NIM1K: variants seen among roughly 807,000 people sequenced by gnomAD.
NIM1K encodes serine/threonine-protein kinase NIM1.
Under a neutral mutation model 37.1 loss-of-function variants are expected in NIM1K, and 35 were observed. That is an observed-to-expected ratio of 0.94 (90% CI 0.72 to 1.25). NIM1K has a LOEUF of 1.25. Ranked by LOEUF, NIM1K falls within the 50% of genes most tolerant of loss-of-function variation. The pLI, the probability that NIM1K is intolerant of heterozygous loss-of-function variation, is 0.00. For synonymous variants in NIM1K, 234 were observed against 206.6 expected (o/e 1.13, Z -1.14); for missense variants, 564 against 548.0 (o/e 1.03, Z -0.29).
In NIM1K at chr5:43,280,079, A is replaced by G; in HGVS notation, c.661A>G (p.Ser221Gly). ...KVGDFGFSTV[S>G]KKGEMLNTFC... ...GGGCGATTTTGGATTCAGCACAGTA[A>G]GCAAAAAAGGTGAAATGCTGAACAC... is the stretch of plus-strand genomic sequence containing the variant. Residue 221 changes from serine to glycine, a missense_variant, in exon 4 of 4, where the codon AGC becomes GGC. Coordinates refer to ENST00000326035, the MANE Select transcript of NIM1K (RefSeq NM_153361.4). 1 of 1,614,202 alleles carries G rather than the reference A, an allele frequency of 6.2e-7. No individual in the cohort carries two copies. Among genetic ancestry groups the G allele is most frequent in the South Asian group, 1.1e-5 (1 of 91,084 alleles).
At chr5:43,260,518 T>G (rs1753010972) in intron 2 of NIM1K, among the ~76,000 whole-genome samples, 1 of 152,188 alleles carries the variant, frequency 6.6e-6, no homozygotes, top group Admixed American at 6.5e-5. Flanking sequence ...CTGCATCTAT[T>G]AAGATGATCA....
intron 1 of NIM1K, among the ~76,000 whole-genome samples, chr5:43,234,767 G>A (rs960331742): frequency 6.6e-5 from 10 of 152,012 alleles, no homozygotes; most frequent in Admixed American, 6.6e-5. Flanking sequence ...CCTGAGTAGC[G>A]GGGATTACAG....
intron 1 of NIM1K, among the ~76,000 whole-genome samples, chr5:43,205,764 G>A (rs368837398): frequency 4.9e-4 from 75 of 152,150 alleles, no homozygotes; most frequent in African/African-American, 1.8e-3. Context: ...CCAGGCTGGA[G>A]TGTAGTCTTG....
rs759360541 is a variant in NIM1K at position 43,280,545 on chromosome 5, G to A, written c.1127G>A (p.Gly376Glu). The A allele has an allele frequency of 5.6e-6, 9 of 1,614,114 alleles. No individual in the cohort carries two copies. The South Asian group carries it at 7.7e-5, about 14-fold the overall frequency. Residue 376 changes from glycine (G) to glutamate (E), a missense_variant, in exon 4 of 4, where the codon GGG (glycine) becomes GAG (glutamate). Gly to Glu is a moderately conservative substitution (Grantham distance 98). Transcript: ENST00000326035. ...GAAGAGCATATTCGAAATAACCAAG[G>A]GAGAGATGCTCGCAGCTCAATCACA... The part of the protein sequence containing the change: ...ITEEHIRNNQ[G>E]RDARSSITGV...
At chr5:43,225,012 G>T (rs1419382593) in intron 1 of NIM1K, among the ~76,000 whole-genome samples, 14 of 152,076 alleles carry the variant, frequency 9.2e-5, no homozygotes, top group Admixed American at 9.2e-4. Flanking sequence ...ATTTTTAAAA[G>T]GGGGACAGAT....
intron 2 of NIM1K, among the ~76,000 whole-genome samples, chr5:43,264,120 G>C (rs1417892767): frequency 1.3e-5 from 2 of 152,210 alleles, no homozygotes; most frequent in Non-Finnish European, 2.9e-5. Context: ...CGAGAGTTCT[G>C]TAGACGTCTG....
chr5:43,213,284 CCTTTCCTTTTCTTTTCTTTT>C (rs201808240), intron 1 of NIM1K, among the ~76,000 whole-genome samples: 23,292 of 108,530 alleles, frequency 0.21, 3,406 homozygotes, highest in East Asian at 0.56. Flanking sequence ...TTTCTTGTTT[CCTTTCCTTTTCTTTTCTTTT>C]CTTTTCTTTT....
rs1481422326 is a variant in NIM1K at position 43,280,262 on chromosome 5, A to G, written c.844A>G (p.Ser282Gly). Residue 282 changes from serine to glycine, a missense_variant, in exon 4 of 4, where the codon AGC becomes GGC. By Grantham distance (56) the Ser-to-Gly change is moderately conservative. Coordinates refer to ENST00000326035, the MANE Select transcript of NIM1K (RefSeq NM_153361.4). ...AGAAACCGTGGCCAAACTAAAAAAG[A>G]GCATCCTCGAGGGCACATACAGTGT... ...RAETVAKLKK[S>G]ILEGTYSVPP... 5 of 1,614,164 alleles carry G rather than the reference A, an allele frequency of 3.1e-6. No individual in the cohort carries two copies. Among genetic ancestry groups the G allele is most frequent in the Non-Finnish European group, 3.4e-6 (4 of 1,180,020 alleles).
At chr5:43,239,780 G>A (rs1752671663) in intron 1 of NIM1K, among the ~76,000 whole-genome samples, 1 of 152,048 alleles carries the variant, frequency 6.6e-6, no homozygotes, top group African/African-American at 2.4e-5. Flanking sequence ...AGCATGCCTG[G>A]CCTCCACTCT....
rs1470493235 is a variant in NIM1K at position 43,213,197 on chromosome 5, C to CT, written c.-695+20789dup. Among the ~76,000 whole-genome samples the CT allele has an allele frequency of 2.2e-4, 12 of 53,934 alleles. 1 individual carries two copies. The highest frequency in any genetic ancestry group is 6.4e-4 in the African/African-American group (11 of 17,112). The allele number at this position is 53,934 out of a possible 152,430, so 35.4% of individuals were successfully genotyped here. A position where few individuals can be genotyped will look rare whatever the true frequency, so the allele number is the denominator to read the frequency against. ...TCTTTCTTTCTTTCTTTCTTTCTTTCTTTCTTTCTTTCTTTCTTTCTTTCT... is the reference window on the plus strand; with the variant it reads ...TCTTTCTTTCTTTCTTTCTTTCTTTCTTTTCTTTCTTTCTTTCTTTCTTTCT... On this transcript the variant is annotated intron_variant, in intron 1 of 3. Coordinates refer to ENST00000326035, the MANE Select transcript of NIM1K (RefSeq NM_153361.4).
chr5:43,280,703 A>C lies in NIM1K; in HGVS notation c.1285A>C (p.Thr429Pro), dbSNP rs939924123. 3 of 1,598,416 alleles carry C rather than the reference A, an allele frequency of 1.9e-6. No homozygotes were observed. Among genetic ancestry groups the C allele is most frequent in the African/African-American group, 2.7e-5 (2 of 73,622 alleles). The part of the protein sequence containing the change: ...GSRVYRGIRH[T>P]SKFCSIL ...CCGTGTCTACAGAGGGATAAGACAC[A>C]CATCCAAATTTTGCTCGATTTTATA... Residue 429 changes from threonine to proline, a missense_variant, in exon 4 of 4, where the codon ACA (threonine) becomes CCA (proline). Transcript: ENST00000326035.
intron 2 of NIM1K, among the ~76,000 whole-genome samples, chr5:43,271,718 A>G (rs1753259710): frequency 6.6e-6 from 1 of 152,180 alleles, no homozygotes; most frequent in Non-Finnish European, 1.5e-5. Flanking sequence ...ACTCTATGGA[A>G]TGTTATCACA....
intron 1 of NIM1K, among the ~76,000 whole-genome samples, chr5:43,231,525 T>C (rs1422021065): frequency 7.3e-6 from 1 of 137,294 alleles, no homozygotes; most frequent in Non-Finnish European, 1.6e-5. Context: ...TAAATCTCCA[T>C]ATATATGAAG....
At chr5:43,242,156 G>A (rs952534300) in intron 1 of NIM1K, among the ~76,000 whole-genome samples, 4 of 152,002 alleles carry the variant, frequency 2.6e-5, no homozygotes, top group African/African-American at 7.3e-5. Context: ...GTTAGGGTAC[G>A]TAATTCAAGA....
At chr5:43,268,352 G>C (rs984706059) in intron 2 of NIM1K, among the ~76,000 whole-genome samples, 1 of 152,154 alleles carries the variant, frequency 6.6e-6, no homozygotes, top group Non-Finnish European at 1.5e-5. Context: ...CTCATCAAAG[G>C]CTTGTTGGTT....
rs140198619 is a variant in NIM1K at position 43,245,999 on chromosome 5, G to T, written c.224G>T (p.Arg75Leu). The T allele has an allele frequency of 3.7e-6, 6 of 1,614,048 alleles. No homozygotes were observed. In the Admixed American group the frequency reaches 8.3e-5, roughly 22 times the overall value. ...CTGGGGAAACGGATAGGCTTCTACC[G>T]AATTCGAGGGGAAATCGGAAGTGGA... ...ITLGKRIGFYRIRGEIGSGNF... is the reference protein window; with the variant it reads ...ITLGKRIGFYLIRGEIGSGNF... Residue 75 changes from arginine (R) to leucine (L), a missense_variant, in exon 2 of 4, where the codon CGA becomes CTA. Transcript: ENST00000326035.
rs202061339 is a variant in NIM1K, at chr5:43,277,491, T to C, written c.561+166T>C. On this transcript the variant is annotated intron_variant, in intron 3 of 3. Coordinates refer to ENST00000326035, the MANE Select transcript of NIM1K (RefSeq NM_153361.4). ...TCTGGCTGGGATCATGCTCCTTGCC[T>C]GTGAAGCAACATCCAGGGATGTCCA... is the stretch of plus-strand genomic sequence containing the variant. Among the ~76,000 whole-genome samples, 9 of 152,100 alleles carry C rather than the reference T, an allele frequency of 5.9e-5. No individual in the cohort carries two copies. In the East Asian group the frequency reaches 1.7e-3, roughly 29 times the overall value.
intron 2 of NIM1K, among the ~76,000 whole-genome samples, chr5:43,254,753 G>T (rs1294617843): frequency 6.6e-6 from 1 of 152,100 alleles, no homozygotes; most frequent in African/African-American, 2.4e-5. Flanking sequence ...TTTTTCTAGA[G>T]ATGAAGTCTC....
At position 43,245,485 on chromosome 5, in the gene NIM1K, A is replaced by C; in HGVS notation, c.-291A>C. ...CTGGAGTCCCATCAGGCCAGTGGGTATGTAACATGTGCCTAATTGTACAGC... is the reference window on the plus strand; with the variant it reads ...CTGGAGTCCCATCAGGCCAGTGGGTCTGTAACATGTGCCTAATTGTACAGC... On this transcript the variant is annotated 5_prime_UTR_variant, in exon 2 of 4. It removes an upstream start codon present in the reference 5' UTR. Transcript: ENST00000326035. The C allele has an allele frequency of 7.1e-6, 2 of 280,722 alleles. No homozygotes were observed. Among genetic ancestry groups the C allele is most frequent in the Non-Finnish European group, 6.6e-6 (1 of 150,824 alleles). 17.4% of individuals were successfully genotyped at this position (280,722 alleles called of 1,614,324 possible).
Sources: allele counts gnomAD v4.1 joint callset (sites outside exome capture counted in the v4.1 genomes callset), GRCh38; gene constraint gnomAD v4.1.1; transcripts MANE v1.5; gene names NCBI Gene and HGNC (gene_info 2026-07-23, HGNC 2026-07-21).